The following BRWD3 variants were observed in gnomAD, a reference collection of about 807,000 sequenced individuals.
BRWD3 encodes the protein bromodomain and WD repeat-containing protein 3.
BRWD3 carries 10 observed loss-of-function variants against 149.7 expected under a neutral mutation model. The ratio of observed to expected loss-of-function variants is 0.07; its 90% confidence interval spans 0.04 to 0.11. The LOEUF (loss-of-function observed/expected upper bound fraction) is 0.11. Among genes scored for constraint, BRWD3 ranks in the 10% least tolerant of loss-of-function variants. The pLI, the probability that BRWD3 is intolerant of heterozygous loss-of-function variation, is 1.00. For missense variants in BRWD3, 940 were observed against 1,373.2 expected (o/e 0.68, Z 4.99); for synonymous variants, 504 against 456.7 (o/e 1.10, Z -1.32).
rs2072840570 is a variant in BRWD3, at chrX:80,704,933, A to G, written c.2553-87T>C. On this transcript the variant is annotated intron_variant, in intron 22 of 40. Coordinates refer to ENST00000373275, the MANE Select transcript of BRWD3 (RefSeq NM_153252.5). ...TTGAAAGATCATTCTGTAAGCAAAC[A>G]GCATTATAAATGACATGGCTGGATT... 3.7e-5 allele frequency: 35 copies of G among 938,414 alleles called. 1 individual carries two copies. The Middle Eastern group carries it at 8.0e-4, about 21-fold the overall frequency. 77.3% of individuals were successfully genotyped at this position (938,414 alleles called of 1,213,427 possible). A position where few individuals can be genotyped will look rare whatever the true frequency, so the allele number is the denominator to read the frequency against.
At chrX:80,758,199 C>A (rs1325800925) in intron 6 of BRWD3, among the ~76,000 whole-genome samples, 1 of 109,440 alleles carries the variant, frequency 9.1e-6, no homozygotes, top group East Asian at 2.8e-4. Flanking sequence ...AACTCCATCT[C>A]AAAAAAAATA....
At chrX:80,788,705 T>C (rs182055997) in intron 6 of BRWD3, among the ~76,000 whole-genome samples, 1 of 112,150 alleles carries the variant, frequency 8.9e-6, no homozygotes, top group East Asian at 2.8e-4. Flanking sequence ...TTATCCATAA[T>C]AGGCAAAATT....
intron 8 of BRWD3, among the ~76,000 whole-genome samples, chrX:80,740,319 G>A (rs2073467237): frequency 8.9e-6 from 1 of 111,892 alleles, no homozygotes; most frequent in African/African-American, 3.2e-5. Context: ...GAAAGAAGAG[G>A]ACAAAAGCTC....
chrX:80,726,285 A>G (rs1443561131), intron 14 of BRWD3, among the ~76,000 whole-genome samples: 9 of 96,857 alleles, frequency 9.3e-5, no homozygotes, highest in African/African-American at 2.8e-4. Flanking sequence ...ATGTCTGTAT[A>G]ACATATAACA....
At chrX:80,746,268 A>T (rs1191849194) in intron 6 of BRWD3, among the ~76,000 whole-genome samples, 1 of 110,975 alleles carries the variant, frequency 9.0e-6, no homozygotes, top group African/African-American at 3.3e-5. Flanking sequence ...TTTATGTTAC[A>T]AACAACCTAG....
chrX:80,752,044 G>A (rs999990614), intron 6 of BRWD3, among the ~76,000 whole-genome samples: 43 of 100,886 alleles, frequency 4.3e-4, no homozygotes, highest in Non-Finnish European at 8.4e-4. Context: ...ACACGATCTT[G>A]CTTTGTCGCC....
intron 14 of BRWD3, 122 bp from the exon 15 acceptor site, chrX:80,725,189 A>T (rs2147757815): frequency 1.4e-6 from 1 of 725,091 alleles, no homozygotes; most frequent in Non-Finnish European, 2.1e-6. Flanking sequence ...ATTTAACAGC[A>T]TTTATGACAT....
At chrX:80,742,852 T>C (rs1190625440) in intron 8 of BRWD3, among the ~76,000 whole-genome samples, 6 of 111,605 alleles carry the variant, frequency 5.4e-5, no homozygotes, top group Non-Finnish European at 1.1e-4. Flanking sequence ...CAGGGACAAT[T>C]TGACTTCCTC....
rs1260629899 is a variant in BRWD3, at chrX:80,682,112, T to A, written c.4398-18A>T. On this transcript the variant is annotated intron_variant, in intron 38 of 40. Coordinates refer to ENST00000373275, the MANE Select transcript of BRWD3 (RefSeq NM_153252.5). ...CTTTTGGACTAGAAGTAAAAATATG[T>A]AACAACGAGCATTTTTTTTTTTCTG... The A allele has an allele frequency of 4.3e-6, 5 of 1,153,601 alleles. No homozygotes were observed. The Admixed American group carries it at 1.1e-4, about 25-fold the overall frequency.
intron 33 of BRWD3, 148 bp downstream of exon 33, chrX:80,689,620 C>A: frequency 4.0e-6 from 2 of 501,695 alleles, no homozygotes; most frequent in Non-Finnish European, 3.4e-6. Context: ...TATATGCCAT[C>A]TAAGTACACT....
At chrX:80,792,227 T>C (rs1025318608) in intron 5 of BRWD3, among the ~76,000 whole-genome samples, 5 of 112,288 alleles carry the variant, frequency 4.5e-5, no homozygotes, top group African/African-American at 1.6e-4. Context: ...TAAATAAATA[T>C]GTCACAGATT....
At chrX:80,726,675 T>G (rs1052815922) in intron 14 of BRWD3, among the ~76,000 whole-genome samples, 3 of 110,321 alleles carry the variant, frequency 2.7e-5, no homozygotes, top group African/African-American at 9.9e-5. Context: ...AAAAATAGAA[T>G]AGAGTATCCT....
At chrX:80,775,308 T>A (rs1455950581) in intron 6 of BRWD3, among the ~76,000 whole-genome samples, 1 of 111,740 alleles carries the variant, frequency 8.9e-6, no homozygotes, top group African/African-American at 3.3e-5. Flanking sequence ...CAGTCTCAAC[T>A]CCCATCACAA....
rs1337977574 is a variant in BRWD3 at position 80,672,667 on chromosome X, T to C, written c.*3942A>G. ...TGACTTTAGAATATTCTATTTCTGATAAACCTTTCATAAAGCCTCACGTTC... is the reference window on the plus strand; with the variant it reads ...TGACTTTAGAATATTCTATTTCTGACAAACCTTTCATAAAGCCTCACGTTC... On this transcript the variant is annotated 3_prime_UTR_variant, in exon 41 of 41. Transcript: ENST00000373275. The C allele has an allele frequency of 8.9e-6, 1 of 111,958 alleles. No individual in the cohort carries two copies. The highest frequency in any genetic ancestry group is 1.9e-5 in the Non-Finnish European group (1 of 53,156). 9.2% of individuals were successfully genotyped at this position (111,958 alleles called of 1,213,427 possible). A position where few individuals can be genotyped will look rare whatever the true frequency, so the allele number is the denominator to read the frequency against.
chrX:80,756,217 AT>A (rs2073734485), intron 6 of BRWD3, among the ~76,000 whole-genome samples: 1 of 111,023 alleles, frequency 9.0e-6, no homozygotes, highest in African/African-American at 3.3e-5. Context: ...GTCTCTATAC[AT>A]TAAGAAATAA....
chrX:80,676,669 G>A lies in BRWD3; in HGVS notation c.5349C>T (p.Gly1783=), dbSNP rs1412619971. 8.3e-7 allele frequency: 1 copy of A among 1,210,035 alleles called. No individual in the cohort carries two copies. Among genetic ancestry groups the A allele is most frequent in the Non-Finnish European group, 1.1e-6 (1 of 894,431 alleles). ...CTTTTTCTGTCATTTTACGCACTCT[G>A]CCTGATCTGGATGTACCAAGATTCA... ...DPLNLGTSRS[G]RVRKMTEKAR... is the part of the protein sequence containing the mutation. Residue 1783 remains glycine (G), a synonymous_variant, in exon 41 of 41, where the codon GGC becomes GGT. Coordinates refer to ENST00000373275, the MANE Select transcript of BRWD3 (RefSeq NM_153252.5).
rs777074415 is a variant in BRWD3, at chrX:80,717,148, T to C, written c.2231+425A>G. Reference sequence around the variant, plus strand: ...AAGTTTGAAATTAATCCTAATGAAATTCTTTCACCCAATGAAGCCTACCTA... The same window carrying C: ...AAGTTTGAAATTAATCCTAATGAAACTCTTTCACCCAATGAAGCCTACCTA... On this transcript the variant is annotated intron_variant, in intron 19 of 40. Transcript: ENST00000373275. 6.5e-5 allele frequency: 8 copies of C among 122,623 alleles called. No individual in the cohort carries two copies. The South Asian group carries it at 2.1e-3, about 33-fold the overall frequency. 10.1% of individuals were successfully genotyped at this position (122,623 alleles called of 1,213,427 possible).
At chrX:80,745,128 A>G (rs990272591) in intron 7 of BRWD3, among the ~76,000 whole-genome samples, 2 of 111,515 alleles carry the variant, frequency 1.8e-5, no homozygotes, top group East Asian at 5.6e-4. Flanking sequence ...AAACCAAAAA[A>G]AAGATATAAA....
At chrX:80,686,669 G>T (rs2072529987) in intron 35 of BRWD3, among the ~76,000 whole-genome samples, 194 bp downstream of exon 35, 1 of 110,884 alleles carries the variant, frequency 9.0e-6, no homozygotes, top group African/African-American at 3.3e-5. Flanking sequence ...TTTTACAACT[G>T]TATAATTTAC....
Sources: gnomAD v4.1 joint callset for allele counts (sites outside exome capture counted in the v4.1 genomes callset) on GRCh38, gnomAD v4.1.1 for gene constraint, MANE v1.5 for transcripts, NCBI Gene and HGNC (gene_info 2026-07-23, HGNC 2026-07-21) for gene names.